WDR41: variants seen among roughly 807,000 people sequenced by gnomAD.
The protein encoded by WDR41 is WD repeat domain 41, also known as WD repeat-containing protein 41.
A neutral mutation model predicts 69.3 loss-of-function variants in WDR41; 63 were observed. The ratio of observed to expected loss-of-function variants is 0.91; its 90% CI spans 0.74 to 1.12. WDR41 has a LOEUF of 1.12. Among genes scored for constraint, WDR41 ranks in the 50% most tolerant of loss-of-function variants. The probability of loss-of-function intolerance (pLI) is 0.00; values close to 1 mark genes in which losing one functional copy is unlikely to be tolerated. For missense variants in WDR41, 543 were observed against 534.5 expected (o/e 1.02, Z -0.16); for synonymous variants, 185 against 192.1 (o/e 0.96, Z 0.31).
intron 10 of WDR41, 75 bp downstream of exon 10, chr5:77,438,165 C>T (rs1489401265): frequency 1.3e-6 from 2 of 1,593,600 alleles, no homozygotes; most frequent in South Asian, 2.3e-5. Context: ...AACTTGGCCA[C>T]TTGAGAAATT....
intron 1 of WDR41, among the ~76,000 whole-genome samples, chr5:77,602,714 G>C (rs924458331): frequency 1.3e-5 from 2 of 152,076 alleles, no homozygotes; most frequent in African/African-American, 4.8e-5. Flanking sequence ...CAATAAACAT[G>C]CAAGCGCAGG....
chr5:77,579,141 C>T (rs1335101962), intron 1 of WDR41, among the ~76,000 whole-genome samples: 2 of 151,988 alleles, frequency 1.3e-5, no homozygotes, highest in African/African-American at 4.8e-5. Flanking sequence ...TGAGCAGAGC[C>T]TCAGAGAAAT....
chr5:77,486,427 T>C (rs1016373177), intron 2 of WDR41, among the ~76,000 whole-genome samples: 15 of 152,256 alleles, frequency 9.9e-5, no homozygotes, highest in Middle Eastern at 3.4e-3. Flanking sequence ...TTATTCCCCC[T>C]CCCAATATTG....
chr5:77,496,652 T>C (rs1289260702), upstream of WDR41, among the ~76,000 whole-genome samples: 1 of 152,062 alleles, frequency 6.6e-6, no homozygotes, highest in Admixed American at 6.5e-5. Context: ...AGCTCTTGGA[T>C]AGAAAGACAA....
intron 2 of WDR41, among the ~76,000 whole-genome samples, chr5:77,474,829 G>A (rs1561754502): frequency 6.6e-6 from 1 of 152,144 alleles, no homozygotes; most frequent in African/African-American, 2.4e-5. Flanking sequence ...TGGCCCAATA[G>A]GAACAGCTCC....
At chr5:77,542,033 A>G (rs779860803) in intron 1 of WDR41, among the ~76,000 whole-genome samples, 5 of 152,208 alleles carry the variant, frequency 3.3e-5, no homozygotes, top group African/African-American at 1.2e-4. Flanking sequence ...ATCCCCATCA[A>G]TGATAGGCTG....
intron 1 of WDR41, chr5:77,583,116 G>T: frequency 2.1e-6 from 3 of 1,456,726 alleles, no homozygotes; most frequent in South Asian, 2.3e-5. Context: ...CTAGAAGAAT[G>T]AACTAAGGTG....
At chr5:77,453,528 G>A (rs903214869) in intron 6 of WDR41, among the ~76,000 whole-genome samples, 3 of 152,112 alleles carry the variant, frequency 2.0e-5, no homozygotes, top group African/African-American at 4.8e-5. Flanking sequence ...CTGTAAAGTC[G>A]TAAGGGTCTG....
At chr5:77,593,113 C>G (rs1744162151) in intron 1 of WDR41, among the ~76,000 whole-genome samples, 1 of 152,172 alleles carries the variant, frequency 6.6e-6, no homozygotes. Flanking sequence ...AGTTGAAAAA[C>G]AGCCAGGAGA....
chr5:77,536,945 T>C (rs1220005581), intron 1 of WDR41, among the ~76,000 whole-genome samples: 1 of 152,174 alleles, frequency 6.6e-6, no homozygotes, highest in Non-Finnish European at 1.5e-5. Context: ...CCAAGACAGG[T>C]TTTAATTCCT....
intron 1 of WDR41, among the ~76,000 whole-genome samples, chr5:77,580,512 C>T (rs774832890): frequency 6.6e-6 from 1 of 151,502 alleles, no homozygotes; most frequent in Non-Finnish European, 1.5e-5. Context: ...CAGAGCCAAA[C>T]CAAATCATAT....
intron 8 of WDR41, among the ~76,000 whole-genome samples, chr5:77,442,894 C>CCAAAAAAAAAAAA (rs777919443): frequency 3.6e-5 from 2 of 56,258 alleles, no homozygotes; most frequent in South Asian, 1.0e-3. Context: ...TCTGTCTCCC[C>CCAAAAAAAAAAAA]AAAAAAAAAA....
chr5:77,536,733 A>G (rs1246684216), intron 1 of WDR41, among the ~76,000 whole-genome samples: 1 of 152,184 alleles, frequency 6.6e-6, no homozygotes, highest in African/African-American at 2.4e-5. Flanking sequence ...ACAGGTGTGT[A>G]GCCTAGGAGC....
chr5:77,550,276 CA>C (rs200126883), intron 1 of WDR41, among the ~76,000 whole-genome samples: 5 of 151,274 alleles, frequency 3.3e-5, no homozygotes, highest in African/African-American at 1.2e-4. Flanking sequence ...TTCGGCACAG[CA>C]AAAAAAATGA....
At chr5:77,521,535 A>G (rs1016007596) in intron 1 of WDR41, among the ~76,000 whole-genome samples, 9 of 152,246 alleles carry the variant, frequency 5.9e-5, no homozygotes, top group African/African-American at 2.2e-4. Context: ...AAACTCAAAC[A>G]TTAATTCCAA....
chr5:77,511,405 C>T (rs994823285), intron 1 of WDR41, among the ~76,000 whole-genome samples: 2 of 152,196 alleles, frequency 1.3e-5, no homozygotes, highest in Non-Finnish European at 1.5e-5. Flanking sequence ...CTGTCTTTAT[C>T]TCTAATGGCT....
In WDR41 at chr5:77,432,621, A is replaced by G. The variant is rs1798768182; in HGVS notation, c.*514T>C. 2 of 152,226 alleles carry G rather than the reference A, an allele frequency of 1.3e-5. No homozygotes were observed. The highest frequency in any genetic ancestry group is 2.9e-5 in the Non-Finnish European group (2 of 68,060). The allele number at this position is 152,226 out of a possible 1,614,324, so 9.4% of individuals were successfully genotyped here. ...TAAAAAACATTTTTAAAATTATCTA[A>G]ACAAATTGGTACCAAAGAAAACTTG... On this transcript the variant is annotated 3_prime_UTR_variant, in exon 13 of 13. Coordinates refer to ENST00000296679, the MANE Select transcript of WDR41 (RefSeq NM_018268.4).
chr5:77,521,085 C>A (rs142862211), intron 1 of WDR41, among the ~76,000 whole-genome samples: 2 of 152,032 alleles, frequency 1.3e-5, no homozygotes, highest in Non-Finnish European at 2.9e-5. Context: ...CCCTTGTCTC[C>A]TAAGGTTCCT....
intron 2 of WDR41, among the ~76,000 whole-genome samples, chr5:77,484,298 C>T (rs1231647429): frequency 1.3e-5 from 2 of 152,296 alleles, no homozygotes; most frequent in South Asian, 4.1e-4. Context: ...GGGTGGCACA[C>T]GCATCTGTGT....
Sources: allele counts gnomAD v4.1 joint callset (sites outside exome capture counted in the v4.1 genomes callset), GRCh38; gene constraint gnomAD v4.1.1; transcripts MANE v1.5; gene names NCBI Gene and HGNC (gene_info 2026-07-23, HGNC 2026-07-21).